Variants in PTPRD observed in about 807,000 individuals in gnomAD.
PTPRD encodes the protein protein tyrosine phosphatase receptor type D, also known as receptor-type tyrosine-protein phosphatase delta.
Under a neutral mutation model 214.5 loss-of-function variants are expected in PTPRD, and 34 were observed. The observed-to-expected ratio is 0.16, with a 90% CI of 0.12 to 0.21. The LOEUF is 0.21. PTPRD is among the 10% of genes least tolerant of loss of function. PTPRD has a pLI of 1.00. For synonymous variants in PTPRD, 1,128 were observed against 845.7 expected (o/e 1.33, Z -5.79); for missense variants, 2,545 against 2,398.7 (o/e 1.06, Z -1.27).
rs147319681 is a variant in PTPRD, at chr9:8,376,044, G to A, written c.4553C>T (p.Ala1518Val). 4.3e-6 allele frequency: 7 copies of A among 1,612,796 alleles called. No homozygotes were observed. The highest frequency in any genetic ancestry group is 2.7e-5 in the African/African-American group (2 of 74,800). The change falls in exon 39 of 46, where the codon GCC (alanine) becomes GTC (valine). Residue 1518 changes from alanine (A) to valine (V), a missense_variant. By Grantham distance (64) the Ala-to-Val change is moderately conservative. Transcript: ENST00000381196. Reference protein sequence around the residue: ...KREVRQFQFTAWPDHGVPEHP... With the variant: ...KREVRQFQFTVWPDHGVPEHP... Reference sequence around the variant, plus strand: ...TTCTGGAACACCATGATCAGGCCAGGCGGTGAACTGGAATTGTCTCACTTC... The same window carrying A: ...TTCTGGAACACCATGATCAGGCCAGACGGTGAACTGGAATTGTCTCACTTC...
chr9:10,408,566 T>C (rs1456657155), intron 2 of PTPRD, among the ~76,000 whole-genome samples: 1 of 151,664 alleles, frequency 6.6e-6, no homozygotes, highest in Non-Finnish European at 1.5e-5. Context: ...CTGCTTAATC[T>C]AATGTGGACC....
intron 2 of PTPRD, among the ~76,000 whole-genome samples, chr9:10,516,372 T>A (rs2050114282): frequency 6.6e-6 from 1 of 151,998 alleles, no homozygotes; most frequent in African/African-American, 2.4e-5. Context: ...TTATGTCTTC[T>A]TTGGAGAAAT....
chr9:10,390,712 T>C (rs1244290372), intron 2 of PTPRD, among the ~76,000 whole-genome samples: 1 of 151,816 alleles, frequency 6.6e-6, no homozygotes, highest in Non-Finnish European at 1.5e-5. Flanking sequence ...TCTCTGAGAC[T>C]AAACACTTCT....
intron 9 of PTPRD, among the ~76,000 whole-genome samples, chr9:9,373,218 T>A (rs1482268090): frequency 6.6e-6 from 1 of 152,074 alleles, no homozygotes; most frequent in Non-Finnish European, 1.5e-5. Context: ...CTACCTCTTT[T>A]TAGGTGTGTA....
intron 5 of PTPRD, among the ~76,000 whole-genome samples, chr9:9,771,125 G>C (rs946165136): frequency 1.3e-5 from 2 of 152,210 alleles, no homozygotes; most frequent in South Asian, 2.1e-4. Flanking sequence ...TGCCCAATCT[G>C]AATGTTGTAA....
chr9:10,208,447 G>A (rs1438187048), intron 3 of PTPRD, among the ~76,000 whole-genome samples: 3 of 152,212 alleles, frequency 2.0e-5, no homozygotes, highest in Non-Finnish European at 4.4e-5. Flanking sequence ...CCGGGAGGCG[G>A]AGCTTGCAGT....
intron 12 of PTPRD, among the ~76,000 whole-genome samples, chr9:8,732,535 G>C (rs1430540272): frequency 2.0e-5 from 3 of 151,984 alleles, no homozygotes; most frequent in African/African-American, 7.3e-5. Flanking sequence ...CTAACATTTG[G>C]GTCTTTTCCC....
chr9:10,100,873 A>G (rs1041183276), intron 3 of PTPRD, among the ~76,000 whole-genome samples: 9 of 151,526 alleles, frequency 5.9e-5, no homozygotes, highest in African/African-American at 1.9e-4. Context: ...GAATCAAATA[A>G]TAATAAAGAA....
chr9:9,392,869 A>G, intron 9 of PTPRD, among the ~76,000 whole-genome samples: 1 of 152,086 alleles, frequency 6.6e-6, no homozygotes, highest in East Asian at 1.9e-4. Context: ...TATTACAGTA[A>G]TTAGAGTCAG....
At chr9:9,389,035 G>T (rs913574270) in intron 9 of PTPRD, among the ~76,000 whole-genome samples, 3 of 152,072 alleles carry the variant, frequency 2.0e-5, no homozygotes, top group African/African-American at 7.2e-5. Context: ...CTGACTTTGG[G>T]CAAGTAACTA....
chr9:10,311,658 C>T (rs940373127), intron 3 of PTPRD, among the ~76,000 whole-genome samples: 2 of 151,990 alleles, frequency 1.3e-5, no homozygotes, highest in African/African-American at 4.8e-5. Flanking sequence ...ATAAAGCTAC[C>T]TTTAAAACAG....
At chr9:8,511,712 TTTTC>T (rs1049419999) in intron 21 of PTPRD, among the ~76,000 whole-genome samples, 5 of 152,160 alleles carry the variant, frequency 3.3e-5, no homozygotes, top group African/African-American at 7.2e-5. Flanking sequence ...AAGCAAAAAT[TTTTC>T]TTTAATATTA....
intron 3 of PTPRD, among the ~76,000 whole-genome samples, chr9:10,209,356 ACT>A (rs1201181077): frequency 6.6e-6 from 1 of 152,152 alleles, no homozygotes; most frequent in Admixed American, 6.5e-5. Context: ...CTTATAAGAC[ACT>A]CTGATGACCA....
At chr9:9,294,188 T>C (rs1157698122) in intron 9 of PTPRD, among the ~76,000 whole-genome samples, 3 of 151,670 alleles carry the variant, frequency 2.0e-5, no homozygotes, top group African/African-American at 7.3e-5. Flanking sequence ...TTGTGAAATG[T>C]AAAACTTATG....
At chr9:9,058,504 A>G (rs1482599592) in intron 10 of PTPRD, among the ~76,000 whole-genome samples, 4 of 115,974 alleles carry the variant, frequency 3.4e-5, no homozygotes, top group African/African-American at 1.3e-4. Flanking sequence ...GCTGGAGTGC[A>G]GAGGCGCGAT....
chr9:10,380,019 G>A (rs1487511167), intron 2 of PTPRD, among the ~76,000 whole-genome samples: 3 of 151,982 alleles, frequency 2.0e-5, no homozygotes, highest in Non-Finnish European at 2.9e-5. Flanking sequence ...GAATGCGGTG[G>A]CACAAGCATT....
chr9:8,684,306 T>C (rs1369117579), intron 12 of PTPRD, among the ~76,000 whole-genome samples: 1 of 152,142 alleles, frequency 6.6e-6, no homozygotes, highest in Non-Finnish European at 1.5e-5. Context: ...TCATCACTTC[T>C]CCTCACAATG....
chr9:9,371,657 T>C (rs891230480), intron 9 of PTPRD, among the ~76,000 whole-genome samples: 30 of 152,164 alleles, frequency 2.0e-4, no homozygotes, highest in Non-Finnish European at 4.4e-4. Flanking sequence ...TCTGCTAGCT[T>C]TTGAATGTCT....
At chr9:9,964,319 T>C (rs897486083) in intron 4 of PTPRD, among the ~76,000 whole-genome samples, 3 of 152,232 alleles carry the variant, frequency 2.0e-5, no homozygotes, top group African/African-American at 7.2e-5. Flanking sequence ...TTCTCTACTT[T>C]AAAATGCATG....
Sources: allele counts gnomAD v4.1 joint callset (sites outside exome capture counted in the v4.1 genomes callset), GRCh38; gene constraint gnomAD v4.1.1; transcripts MANE v1.5; gene names NCBI Gene and HGNC (gene_info 2026-07-23, HGNC 2026-07-21).